The following PACRG variants were observed in gnomAD, a reference collection of about 807,000 sequenced individuals.
PACRG encodes the protein parkin coregulated gene protein.
Under a neutral mutation model 29.7 loss-of-function variants are expected in PACRG, and 29 were observed. The ratio of observed to expected loss-of-function variants is 0.98; its 90% CI spans 0.73 to 1.33. The LOEUF (loss-of-function observed/expected upper bound fraction) is 1.33. PACRG is among the 40% of genes most tolerant of loss of function. The pLI, the probability that PACRG is intolerant of heterozygous loss-of-function variation, is 0.00. For synonymous variants in PACRG, 116 were observed against 118.7 expected (o/e 0.98, Z 0.15); for missense variants, 279 against 316.2 (o/e 0.88, Z 0.89).
intron 4 of PACRG, among the ~76,000 whole-genome samples, chr6:163,106,050 T>C (rs1438144459): frequency 2.6e-5 from 4 of 152,158 alleles, no homozygotes; most frequent in Admixed American, 6.5e-5. Context: ...AGATTCTGGA[T>C]TAAGCTGTTT....
intron 4 of PACRG, among the ~76,000 whole-genome samples, chr6:163,269,770 C>CAGAAATAAAGAAAGAA (rs1562349078): frequency 1.4e-4 from 6 of 43,138 alleles, no homozygotes; most frequent in African/African-American, 4.6e-4. Flanking sequence ...GAGAGACAGA[C>CAGAAATAAAGAAAGAA]AGACAGACAG....
intron 2 of PACRG, chr6:163,051,497 T>G (rs1810007736): frequency 6.6e-6 from 1 of 152,160 alleles, no homozygotes; most frequent in Non-Finnish European, 1.5e-5. Context: ...TCTGGGCTTT[T>G]GATTTCCTAG....
chr6:163,272,458 T>C (rs1430793429), intron 4 of PACRG, among the ~76,000 whole-genome samples: 3 of 152,242 alleles, frequency 2.0e-5, no homozygotes, highest in Admixed American at 1.3e-4. Flanking sequence ...CTATATTACC[T>C]TCTCCTTCCC....
chr6:162,828,449 G>A (rs1471921863), intron 2 of PACRG, among the ~76,000 whole-genome samples: 1 of 152,178 alleles, frequency 6.6e-6, no homozygotes, highest in East Asian at 1.9e-4. Context: ...TCATTTGCTA[G>A]GCATTACCTG....
At chr6:162,851,546 T>A (rs538099178) in intron 2 of PACRG, among the ~76,000 whole-genome samples, 1 of 152,336 alleles carries the variant, frequency 6.6e-6, no homozygotes, top group Admixed American at 6.5e-5. Context: ...TTCACTCTGT[T>A]AATTGTATCC....
intron 2 of PACRG, among the ~76,000 whole-genome samples, chr6:162,884,792 T>C (rs1436465882): frequency 6.6e-6 from 1 of 152,074 alleles, no homozygotes; most frequent in Non-Finnish European, 1.5e-5. Flanking sequence ...TTTTCCCAGC[T>C]CCCCAATGAT....
intron 4 of PACRG, among the ~76,000 whole-genome samples, chr6:163,226,378 T>C (rs939060537): frequency 6.6e-6 from 1 of 152,236 alleles, no homozygotes; most frequent in Admixed American, 6.5e-5. Flanking sequence ...ATGAGAAGCA[T>C]GTGAGGTGAT....
Position 163,269,987 on chromosome 6 carries a change from GAAA to G in PACRG, c.614-44839_614-44837del, listed in dbSNP as rs1783757737. On this transcript the variant is annotated intron_variant, in intron 4 of 4. Transcript: ENST00000366888. ...AGAAAGAAAGAAAGAAAGAAAGAAAGAAAGAAAGAAAGAAAGAAAGGAGGGAGG... is the reference window on the plus strand; with the variant it reads ...AGAAAGAAAGAAAGAAAGAAAGAAAGGAAAGAAAGAAAGAAAGGAGGGAGG... Among the ~76,000 whole-genome samples the G allele has an allele frequency of 1.8e-4, 18 of 102,036 alleles. 4 individuals carry two copies. The highest frequency in any genetic ancestry group is 5.2e-3 in the Middle Eastern group (1 of 194). 66.9% of individuals were successfully genotyped at this position (102,036 alleles called of 152,430 possible).
chr6:162,793,944 C>A (rs1785162409), intron 1 of PACRG, among the ~76,000 whole-genome samples: 1 of 152,166 alleles, frequency 6.6e-6, no homozygotes, highest in South Asian at 2.1e-4. Context: ...TCCCATGACA[C>A]AAGTTTACCT....
At chr6:163,109,000 A>G (rs1472624908) in intron 4 of PACRG, among the ~76,000 whole-genome samples, 1 of 152,208 alleles carries the variant, frequency 6.6e-6, no homozygotes, top group Non-Finnish European at 1.5e-5. Context: ...GCATGAAAGC[A>G]AAGTATCACC....
intron 3 of PACRG, among the ~76,000 whole-genome samples, chr6:163,084,030 C>G (rs1468315956): frequency 6.6e-6 from 1 of 152,130 alleles, no homozygotes; most frequent in African/African-American, 2.4e-5. Flanking sequence ...TATTCTTCAG[C>G]AATTTCTCTA....
In PACRG at chr6:162,789,222, C is replaced by A. The variant is rs1784750778; in HGVS notation, c.157-24925C>A. ...CTGTTTTGATCATTGAGTGAGGAGGCAACTAACTGACTCTTAAAAGCTTGG... is the reference window on the plus strand; with the variant it reads ...CTGTTTTGATCATTGAGTGAGGAGGAAACTAACTGACTCTTAAAAGCTTGG... On this transcript the variant is annotated intron_variant, in intron 1 of 4. Coordinates refer to ENST00000366888, the MANE Select transcript of PACRG (RefSeq NM_001080379.2). Among the ~76,000 whole-genome samples the A allele has an allele frequency of 2.6e-5, 4 of 152,200 alleles. 1 individual carries two copies. In the South Asian group the frequency reaches 8.3e-4, roughly 32 times the overall value.
intron 4 of PACRG, among the ~76,000 whole-genome samples, chr6:163,098,425 A>T (rs969288906): frequency 6.6e-6 from 1 of 152,048 alleles, no homozygotes; most frequent in Non-Finnish European, 1.5e-5. Flanking sequence ...CTCCGCCCCC[A>T]CTAGCAGAAC....
intron 2 of PACRG, among the ~76,000 whole-genome samples, chr6:163,061,519 G>T (rs982217249): frequency 5.9e-5 from 9 of 152,206 alleles, no homozygotes; most frequent in Admixed American, 5.9e-4. Context: ...GGCAAAGGGA[G>T]GTTGGGATGT....
intron 4 of PACRG, among the ~76,000 whole-genome samples, chr6:163,195,392 A>G (rs1302570618): frequency 2.0e-5 from 3 of 152,140 alleles, no homozygotes; most frequent in Non-Finnish European, 2.9e-5. Flanking sequence ...TTCCAAGACT[A>G]TCTCCTCATG....
rs1416814084 is a variant in PACRG, at chr6:163,028,459, C to A, written c.292-33691C>A. Among the ~76,000 whole-genome samples the A allele has an allele frequency of 1.6e-4, 25 of 152,270 alleles. 1 individual carries two copies. Among genetic ancestry groups the A allele is most frequent in the Admixed American group, 1.4e-3 (21 of 15,304 alleles). The stretch of plus-strand genomic sequence containing the variant: ...AACACAATCAACCTTTAAGATCATG[C>A]AGCCCTGTAGGACAGAGATAGCCAT... On this transcript the variant is annotated intron_variant, in intron 2 of 4. Coordinates refer to ENST00000366888, the MANE Select transcript of PACRG (RefSeq NM_001080379.2).
intron 2 of PACRG, among the ~76,000 whole-genome samples, chr6:162,913,014 A>G (rs1434568562): frequency 6.6e-6 from 1 of 152,240 alleles, no homozygotes; most frequent in Non-Finnish European, 1.5e-5. Context: ...TATGTATATA[A>G]AATGTTTAAA....
intron 2 of PACRG, among the ~76,000 whole-genome samples, chr6:162,933,754 G>T (rs1308323456): frequency 6.6e-6 from 1 of 151,730 alleles, no homozygotes; most frequent in Non-Finnish European, 1.5e-5. Flanking sequence ...CCAAGGCTGG[G>T]TAATTTTGGG....
At chr6:162,804,620 C>T (rs1013691159) in intron 1 of PACRG, among the ~76,000 whole-genome samples, 1 of 152,068 alleles carries the variant, frequency 6.6e-6, no homozygotes, top group Non-Finnish European at 1.5e-5. Flanking sequence ...CCATCCCATG[C>T]TTGGACCACT....
Sources: allele counts gnomAD v4.1 joint callset (sites outside exome capture counted in the v4.1 genomes callset), GRCh38; gene constraint gnomAD v4.1.1; transcripts MANE v1.5; gene names NCBI Gene and HGNC (gene_info 2026-07-23, HGNC 2026-07-21).